The following NEURL2 variants were observed in gnomAD, a reference collection of about 807,000 sequenced individuals.
The protein encoded by NEURL2 is neuralized-like protein 2.
NEURL2 carries 16 observed loss-of-function variants against 15.9 expected under a neutral mutation model. The ratio of observed to expected loss-of-function variants is 1.01; its 90% CI spans 0.68 to 1.53. The LOEUF is 1.53. Among genes scored for constraint, NEURL2 ranks in the 40% most tolerant of loss-of-function variants. NEURL2 has a pLI of 0.00. For synonymous variants in NEURL2, 188 were observed against 178.3 expected (o/e 1.05, Z -0.43); for missense variants, 393 against 407.8 (o/e 0.96, Z 0.31).
In NEURL2 at chr20:45,890,454, C is replaced by G. The variant is rs1427168697; in HGVS notation, c.538G>C (p.Val180Leu). Residue 180 changes from valine to leucine, a missense_variant, in exon 1 of 2, where the codon GTG becomes CTG. By Grantham distance (32) the Val-to-Leu change is conservative (BLOSUM62 1). Transcript: ENST00000372518. ...HLLDQLYELN[V>L]LPPTARRSRL... ...CTACGGCGCGCGGTCGGAGGCAGCA[C>G]GTTCAGCTCATAGAGCTGGTCCAAG... is the stretch of plus-strand genomic sequence containing the variant. 2 of 1,606,382 alleles carry G rather than the reference C, an allele frequency of 1.2e-6. No homozygotes were observed. Among genetic ancestry groups the G allele is most frequent in the South Asian group, 2.2e-5 (2 of 90,120 alleles).
At chr20:45,889,581 T>A (rs1000460046) in intron 1 of NEURL2, among the ~76,000 whole-genome samples, 8 of 148,686 alleles carry the variant, frequency 5.4e-5, no homozygotes, top group East Asian at 2.0e-4. Context: ...CTAGCTAGCT[T>A]GCTTGCTTGC....
chr20:45,890,161 G>C (rs1986682517), intron 1 of NEURL2, 89 bp downstream of exon 1: 1 of 1,445,650 alleles, frequency 6.9e-7, no homozygotes, highest in Non-Finnish European at 9.7e-7. Context: ...GTGCCGGACA[G>C]ACGAAGGCCT....
Position 45,888,854 on chromosome 20 carries a change from CAG to C in NEURL2, c.760_761del (p.Leu254ValfsTer16), listed in dbSNP as rs148861371. On this transcript the variant is annotated frameshift_variant, in exon 2 of 2. Transcript: ENST00000372518. LOFTEE classifies it high-confidence loss of function. ...TGCTCCTTTGTATCACTAGGCGGCA[CAG>C]AGTCTGCAGGGATGGCACTGTGGGA... is the stretch of plus-strand genomic sequence containing the variant. ...LEYGLPSLQT[L>X]CRLVIQRSMV... 8.7e-6 allele frequency: 14 copies of C among 1,614,112 alleles called. No homozygotes were observed. Among genetic ancestry groups the C allele is most frequent in the Non-Finnish European group, 1.1e-5 (13 of 1,180,002 alleles).
intron 1 of NEURL2, 160 bp from the exon 2 acceptor site, chr20:45,889,033 T>TCTCAGGAAGAGGTG: frequency 1.4e-6 from 1 of 730,498 alleles, no homozygotes; most frequent in Non-Finnish European, 2.2e-6. Context: ...GAGAAGCACC[T>TCTCAGGAAGAGGTG]CTTCCTGAGA....
In NEURL2 at chr20:45,888,825, A is replaced by T. The variant is rs747247541; in HGVS notation, c.791T>A (p.Val264Glu). 13 of 1,614,134 alleles carry T rather than the reference A, an allele frequency of 8.1e-6. No individual in the cohort carries two copies. In the East Asian group the frequency reaches 2.9e-4, roughly 36 times the overall value. The change falls in exon 2 of 2, where the codon GTG becomes GAG. Residue 264 changes from valine to glutamate, a missense_variant. Physicochemically the swap from Val to Glu is moderately radical, Grantham distance 121 (BLOSUM62 -2). Transcript: ENST00000372518. ...GAGCCCATCAATGGCCAGCCGGTGCACCATGCTCCTTTGTATCACTAGGCG... is the reference window on the plus strand; with the variant it reads ...GAGCCCATCAATGGCCAGCCGGTGCTCCATGCTCCTTTGTATCACTAGGCG... ...LCRLVIQRSM[V>E]HRLAIDGLHL...
At chr20:45,889,397 T>G (rs1986632142) in intron 1 of NEURL2, among the ~76,000 whole-genome samples, 1 of 152,014 alleles carries the variant, frequency 6.6e-6, no homozygotes, top group South Asian at 2.1e-4. Flanking sequence ...TCTTGCTCTG[T>G]CACCCAGGCT....
At chr20:45,889,023 G>A (rs1986601694) in intron 1 of NEURL2, 150 bp from the exon 2 acceptor site, 1 of 785,178 alleles carries the variant, frequency 1.3e-6, no homozygotes, top group African/African-American at 1.7e-5. Context: ...ATGGGGCTGA[G>A]AGAAGCACCT....
intron 1 of NEURL2, 196 bp downstream of exon 1, chr20:45,890,054 A>G: frequency 1.6e-6 from 1 of 613,296 alleles, no homozygotes; most frequent in South Asian, 2.0e-5. Context: ...TAATCAATCA[A>G]CCAAGATAGG....
rs1986694527 is a variant in NEURL2, at chr20:45,890,249, C to CA, written c.742dup (p.Leu248PhefsTer23). 6.2e-7 allele frequency: 1 copy of CA among 1,613,764 alleles called. No individual in the cohort carries two copies. The highest frequency in any genetic ancestry group is 8.5e-7 in the Non-Finnish European group (1 of 1,180,046). ...AGGGGTCGCTGCCCAGGGATACCTA[C>CA]AGCCATACTCGAGCTGGACAAGGCG... On this transcript the variant is annotated frameshift_variant and splice_region_variant. Coordinates refer to ENST00000372518, the MANE Select transcript of NEURL2 (RefSeq NM_080749.4). LOFTEE classifies it high-confidence loss of function.
At position 45,890,863 on chromosome 20, in the gene NEURL2, G is replaced by A. The variant is rs752171358; in HGVS notation, c.129C>T (p.Ala43=). The A allele has an allele frequency of 2.5e-6, 4 of 1,570,536 alleles. No individual in the cohort carries two copies. In the Admixed American group the frequency reaches 5.5e-5, roughly 22 times the overall value. The change falls in exon 1 of 2, where the codon GCC becomes GCT. Residue 43 remains alanine, a synonymous_variant. Transcript: ENST00000372518. The part of the protein sequence containing the change: ...NIRVDPSGTR[A]TRVESFAHGV... ...CGTGGGCGAAGCTCTCCACGCGTGT[G>A]GCCCGCGTCCCAGAGGGGTCCACGC...
rs998666789 is a variant in NEURL2 at position 45,890,495 on chromosome 20, C to A, written c.497G>T (p.Gly166Val). Reference protein sequence around the residue: ...RDRLVGRSRPGLYSHLLDQLY... With the variant: ...RDRLVGRSRPVLYSHLLDQLY... ...CTGGTCCAAGAGATGGCTGTAGAGC[C>A]CTGGCCGGCTGCGGCCCACCAGGCG... The change falls in exon 1 of 2, where the codon GGG becomes GTG. Residue 166 changes from glycine (G) to valine (V), a missense_variant. Coordinates refer to ENST00000372518, the MANE Select transcript of NEURL2 (RefSeq NM_080749.4). The A allele has an allele frequency of 6.3e-7, 1 of 1,598,504 alleles. No homozygotes were observed. Among genetic ancestry groups the A allele is most frequent in the African/African-American group, 1.3e-5 (1 of 74,720 alleles).
rs1227157151 is a variant in NEURL2, at chr20:45,890,749, C to A, written c.243G>T (p.Leu81=). The A allele has an allele frequency of 6.2e-7, 1 of 1,613,042 alleles. No individual in the cohort carries two copies. Among genetic ancestry groups the A allele is most frequent in the East Asian group, 2.2e-5 (1 of 44,844 alleles). Residue 81 remains leucine, a synonymous_variant, in exon 1 of 2, where the codon CTG becomes CTT. Transcript: ENST00000372518. ...GGTCCAGCGCGGTCAGACCGAGACG[C>A]AGATGTCCGCACCAGCCCAGCTCTT... is the stretch of plus-strand genomic sequence containing the variant. ...EEKELGWCGH[L]RLGLTALDPA...
rs370766713 is a variant in NEURL2, at chr20:45,890,768, A to T, written c.224T>A (p.Leu75Gln). 13 of 1,610,874 alleles carry T rather than the reference A, an allele frequency of 8.1e-6. No individual in the cohort carries two copies. In the African/African-American group the frequency reaches 1.7e-4, roughly 22 times the overall value. ...GAGACGCAGATGTCCGCACCAGCCC[A>T]GCTCTTTCTCCTCGATCTCGACCAG... ...VFLVEIEEKE[L>Q]GWCGHLRLGL... is the part of the protein sequence containing the mutation. The change falls in exon 1 of 2, where the codon CTG becomes CAG. Residue 75 changes from leucine (L) to glutamine (Q), a missense_variant. Coordinates refer to ENST00000372518, the MANE Select transcript of NEURL2 (RefSeq NM_080749.4).
chr20:45,889,745 C>CT (rs1346352891), intron 1 of NEURL2, among the ~76,000 whole-genome samples: 1 of 152,026 alleles, frequency 6.6e-6, no homozygotes, highest in Non-Finnish European at 1.5e-5. Flanking sequence ...TTCTGAATAG[C>CT]TGGGATTATT....
In NEURL2 at chr20:45,890,908, C is replaced by A; in HGVS notation, c.84G>T (p.Arg28=). 6.4e-7 allele frequency: 1 copy of A among 1,552,600 alleles called. No homozygotes were observed. Among genetic ancestry groups the A allele is most frequent in the African/African-American group, 1.4e-5 (1 of 73,448 alleles). The part of the protein sequence containing the change: ...RPEPPPTRFH[R]VHGANIRVDP... ...CCACGCGGATGTTGGCACCGTGCAC[C>A]CGATGGAAGCGGGTGGGAGGGGGCT... The change falls in exon 1 of 2, where the codon CGG becomes CGT. Residue 28 remains arginine (R), a synonymous_variant. Coordinates refer to ENST00000372518, the MANE Select transcript of NEURL2 (RefSeq NM_080749.4).
At chr20:45,888,986 T>A in intron 1 of NEURL2, 113 bp from the exon 2 acceptor site, 1 of 1,241,984 alleles carries the variant, frequency 8.1e-7, no homozygotes, top group Non-Finnish European at 1.1e-6. Context: ...GGCAAGTCCT[T>A]ACTGCTCTCT....
At position 45,891,134 on chromosome 20, in the gene NEURL2, T is replaced by C; in HGVS notation, c.-143A>G. Reference sequence around the variant, plus strand: ...CTGCCCGGGGGTCCTAGCGCCGCTTTCTCAGCCATCCCGCCTACAACTTAG... The same window carrying C: ...CTGCCCGGGGGTCCTAGCGCCGCTTCCTCAGCCATCCCGCCTACAACTTAG... On this transcript the variant is annotated 5_prime_UTR_variant, in exon 1 of 2. Coordinates refer to ENST00000372518, the MANE Select transcript of NEURL2 (RefSeq NM_080749.4). The surrounding 1 kb of genome is among the most constrained non-coding windows in gnomAD (Gnocchi z 4.6). 5 of 1,038,394 alleles carry C rather than the reference T, an allele frequency of 4.8e-6. No individual in the cohort carries two copies. Among genetic ancestry groups the C allele is most frequent in the South Asian group, 3.2e-5 (2 of 61,572 alleles). The allele number at this position is 1,038,394 out of a possible 1,614,324, so 64.3% of individuals were successfully genotyped here.
At position 45,890,788 on chromosome 20, in the gene NEURL2, GA is replaced by G; in HGVS notation, c.203del (p.Val68AlafsTer18). On this transcript the variant is annotated frameshift_variant, in exon 1 of 2. Coordinates refer to ENST00000372518, the MANE Select transcript of NEURL2 (RefSeq NM_080749.4). LOFTEE classifies it high-confidence loss of function. The stretch of plus-strand genomic sequence containing the variant: ...AGCCCAGCTCTTTCTCCTCGATCTC[GA>G]CCAGGAAGACCTGGCCCGGGGCCAG... ...EPLAPGQVFL[V>X]EIEEKELGWC... 3 of 1,603,114 alleles carry G rather than the reference GA, an allele frequency of 1.9e-6. No individual in the cohort carries two copies. The highest frequency in any genetic ancestry group is 2.6e-6 in the Non-Finnish European group (3 of 1,173,906).
In NEURL2 at chr20:45,891,033, T is replaced by C. The variant is rs1260501044; in HGVS notation, c.-42A>G. The C allele has an allele frequency of 6.9e-7, 1 of 1,452,430 alleles. No individual in the cohort carries two copies. The allele number at this position is 1,452,430 out of a possible 1,614,324, so 90.0% of individuals were successfully genotyped here. On this transcript the variant is annotated 5_prime_UTR_variant, in exon 1 of 2. Transcript: ENST00000372518. This position sits in a 1 kb window ranked among gnomAD's most constrained non-coding sequence, Gnocchi z 4.6. ...AGGCCAGCTGGCGCCGGGGGCTATT[T>C]TGGGCGGCGGGCAATGATGGTGACC...
Sources: allele counts gnomAD v4.1 joint callset (sites outside exome capture counted in the v4.1 genomes callset), GRCh38; gene constraint gnomAD v4.1.1; non-coding constraint Gnocchi (gnomAD v3.1); transcripts MANE v1.5; gene names NCBI Gene and HGNC (gene_info 2026-07-23, HGNC 2026-07-21).